The following KHDRBS2 variants were observed in gnomAD, a reference collection of about 807,000 sequenced individuals.
KHDRBS2 encodes the protein KH domain-containing, RNA-binding, signal transduction-associated protein 2.
A neutral mutation model predicts 44.3 loss-of-function variants in KHDRBS2; 26 were observed. That is an observed-to-expected ratio of 0.59 (90% CI 0.43 to 0.81). The LOEUF (loss-of-function observed/expected upper bound fraction) is 0.81. KHDRBS2 is among the 40% of genes least tolerant of loss of function. KHDRBS2 has a pLI of 0.00. For synonymous variants in KHDRBS2, 194 were observed against 151.1 expected (o/e 1.28, Z -2.08); for missense variants, 476 against 433.1 (o/e 1.10, Z -0.88).
intron 2 of KHDRBS2, among the ~76,000 whole-genome samples, chr6:62,056,194 T>A (rs1790255516): frequency 6.6e-6 from 1 of 151,724 alleles, no homozygotes; most frequent in Admixed American, 6.6e-5. Context: ...TACAAATGAA[T>A]AAATAAATTG....
chr6:62,108,351 ACCATCACTGG>A (rs1804048911), intron 2 of KHDRBS2, among the ~76,000 whole-genome samples: 1 of 152,220 alleles, frequency 6.6e-6, no homozygotes, highest in African/African-American at 2.4e-5. Flanking sequence ...AAAAATGCTC[ACCATCACTGG>A]CCATCAGGAG....
chr6:61,826,036 T>C lies in KHDRBS2; in HGVS notation c.810+68599A>G, dbSNP rs549848518. Among the ~76,000 whole-genome samples the C allele has an allele frequency of 5.3e-5, 8 of 152,294 alleles. No homozygotes were observed. In the East Asian group the frequency reaches 5.8e-4, roughly 11 times the overall value. ...ACAGGACATTCTTAACCTGACAACATAGATGTAAAAATACTTCTGGGTTGC... is the reference window on the plus strand; with the variant it reads ...ACAGGACATTCTTAACCTGACAACACAGATGTAAAAATACTTCTGGGTTGC... On this transcript the variant is annotated intron_variant, in intron 6 of 8. Transcript: ENST00000281156.
At chr6:61,608,344 G>C in the KHDRBS2 span, among the ~76,000 whole-genome samples, 2 of 151,768 alleles carry the variant, frequency 1.3e-5, no homozygotes, top group African/African-American at 2.4e-5. Flanking sequence ...GTGTGTGTGT[G>C]TGTGTGTGTA....
intron 2 of KHDRBS2, among the ~76,000 whole-genome samples, chr6:62,161,482 T>C (rs115475110): frequency 0.017 from 2,582 of 148,400 alleles, 68 homozygotes; most frequent in African/African-American, 0.06. Context: ...CTAGATATCA[T>C]TTAAAGTATA....
chr6:61,962,897 C>T (rs1393068323), intron 4 of KHDRBS2, among the ~76,000 whole-genome samples: 1 of 152,050 alleles, frequency 6.6e-6, no homozygotes, highest in Non-Finnish European at 1.5e-5. Context: ...AAGGGAAACA[C>T]ATTTACATTT....
At chr6:61,887,082 G>A (rs551817785) in intron 6 of KHDRBS2, among the ~76,000 whole-genome samples, 8 of 143,384 alleles carry the variant, frequency 5.6e-5, no homozygotes, top group Middle Eastern at 3.3e-3. Context: ...GTTCTTTACC[G>A]AGAGGAAACA....
the KHDRBS2 span, among the ~76,000 whole-genome samples, chr6:61,626,594 C>T: frequency 1.3e-5 from 2 of 152,042 alleles, no homozygotes; most frequent in Non-Finnish European, 2.9e-5. Flanking sequence ...TTTATCTGCT[C>T]ATAAAAGATA....
In KHDRBS2 at chr6:61,831,548, G is replaced by T. The variant is rs1292311344; in HGVS notation, c.810+63087C>A. 5.3e-5 allele frequency among the ~76,000 whole-genome samples: 8 copies of T among 152,112 alleles called. No homozygotes were observed. The South Asian group carries it at 1.5e-3, about 28-fold the overall frequency. On this transcript the variant is annotated intron_variant, in intron 6 of 8. Coordinates refer to ENST00000281156, the MANE Select transcript of KHDRBS2 (RefSeq NM_152688.4). ...TAACGTTATTTTCCTGAGAAAAATT[G>T]AATTCTGAGCAAATGACTAATACAT...
intron 4 of KHDRBS2, among the ~76,000 whole-genome samples, chr6:61,935,388 C>A (rs1456378408): frequency 6.6e-6 from 1 of 152,124 alleles, no homozygotes; most frequent in East Asian, 1.9e-4. Flanking sequence ...TAAGGGATAT[C>A]CAGCTAGCAA....
At chr6:61,860,399 G>A (rs1172176623) in intron 6 of KHDRBS2, among the ~76,000 whole-genome samples, 1 of 151,974 alleles carries the variant, frequency 6.6e-6, no homozygotes, top group Non-Finnish European at 1.5e-5. Flanking sequence ...AGCCTCCAGT[G>A]TGTGTTGTTT....
chr6:62,198,704 G>A (rs1277002627), intron 1 of KHDRBS2, among the ~76,000 whole-genome samples: 3 of 152,278 alleles, frequency 2.0e-5, no homozygotes, highest in Non-Finnish European at 4.4e-5. Flanking sequence ...CAAATCAACA[G>A]AAAAAGAGGG....
chr6:61,774,966 G>A (rs1027595643), intron 6 of KHDRBS2, among the ~76,000 whole-genome samples: 11 of 152,180 alleles, frequency 7.2e-5, no homozygotes, highest in South Asian at 2.1e-4. Flanking sequence ...CTTCAACCCC[G>A]GGATGCAAGG....
intron 2 of KHDRBS2, among the ~76,000 whole-genome samples, chr6:62,125,262 C>T (rs1455060377): frequency 2.0e-5 from 3 of 152,154 alleles, no homozygotes; most frequent in African/African-American, 7.2e-5. Flanking sequence ...CAATAGAAAG[C>T]AACATCGAGA....
At chr6:61,909,728 C>G (rs1162269186) in intron 4 of KHDRBS2, among the ~76,000 whole-genome samples, 2 of 152,180 alleles carry the variant, frequency 1.3e-5, no homozygotes, top group African/African-American at 4.8e-5. Context: ...TCCCCAGTTA[C>G]GTACACTCAT....
chr6:61,941,182 A>G (rs770023907), intron 4 of KHDRBS2, among the ~76,000 whole-genome samples: 5 of 152,068 alleles, frequency 3.3e-5, no homozygotes, highest in Non-Finnish European at 7.4e-5. Flanking sequence ...TGGCATCTGA[A>G]CCTTCTCCAG....
intron 6 of KHDRBS2, among the ~76,000 whole-genome samples, chr6:61,748,333 G>T (rs1777157282): frequency 6.6e-6 from 1 of 152,018 alleles, no homozygotes; most frequent in Non-Finnish European, 1.5e-5. Flanking sequence ...TCTGGTAAGG[G>T]TATTTATTTA....
At chr6:61,669,007 T>C in the KHDRBS2 span, among the ~76,000 whole-genome samples, 1 of 150,982 alleles carries the variant, frequency 6.6e-6, no homozygotes, top group African/African-American at 2.4e-5. Context: ...GGAGATTTTA[T>C]GTTATTATAT....
intron 2 of KHDRBS2, among the ~76,000 whole-genome samples, chr6:62,139,842 A>T (rs1812398913): frequency 1.3e-5 from 2 of 152,076 alleles, no homozygotes; most frequent in African/African-American, 2.4e-5. Flanking sequence ...ATTAACCCAG[A>T]TTCTCTACAC....
the KHDRBS2 span, among the ~76,000 whole-genome samples, chr6:61,579,358 G>A: frequency 6.6e-6 from 1 of 152,182 alleles, no homozygotes; most frequent in Non-Finnish European, 1.5e-5. Context: ...ATGTGTGGTT[G>A]AAATAGAGAT....
Sources: allele counts gnomAD v4.1 joint callset (sites outside exome capture counted in the v4.1 genomes callset), GRCh38; gene constraint gnomAD v4.1.1; transcripts MANE v1.5; gene names NCBI Gene and HGNC (gene_info 2026-07-23, HGNC 2026-07-21).